Variants in FRAS1 observed in about 807,000 individuals in gnomAD.
The protein encoded by FRAS1 is extracellular matrix organizing protein FRAS1.
In FRAS1, 290 loss-of-function variants were observed where a neutral mutation model predicts 435.2. That is an observed-to-expected ratio of 0.67 (90% confidence interval 0.61 to 0.73). The LOEUF is 0.73. FRAS1 is among the 30% of genes least tolerant of loss of function. The pLI, the probability that FRAS1 is intolerant of heterozygous loss-of-function variation, is 0.00. For synonymous variants in FRAS1, 1,800 were observed against 1,851.0 expected (o/e 0.97, Z 0.71); for missense variants, 4,860 against 5,001.5 (o/e 0.97, Z 0.85).
intron 2 of FRAS1, among the ~76,000 whole-genome samples, chr4:78,140,985 G>A (rs969731864): frequency 6.6e-6 from 1 of 152,114 alleles, no homozygotes; most frequent in African/African-American, 2.4e-5. Flanking sequence ...GATGGGCTGG[G>A]AGATTCTTTC....
intron 14 of FRAS1, among the ~76,000 whole-genome samples, chr4:78,296,148 T>G (rs535698262): frequency 6.5e-4 from 98 of 151,820 alleles, no homozygotes; most frequent in African/African-American, 2.3e-3. Context: ...AATTGCAGTT[T>G]AAAAATATAA....
At chr4:78,389,499 G>C (rs1286555380) in intron 29 of FRAS1, among the ~76,000 whole-genome samples, 1 of 152,240 alleles carries the variant, frequency 6.6e-6, no homozygotes, top group Non-Finnish European at 1.5e-5. Flanking sequence ...GGTGGCATAG[G>C]AGAGATGGGA....
chr4:78,468,350 T>C (rs1719598332), intron 50 of FRAS1, among the ~76,000 whole-genome samples: 2 of 152,204 alleles, frequency 1.3e-5, no homozygotes, highest in Non-Finnish European at 1.5e-5. Flanking sequence ...TGAATATACT[T>C]GTAAATCATT....
Position 78,204,046 on chromosome 4 carries a change from G to C in FRAS1, c.109-33464G>C, listed in dbSNP as rs531637127. 8.5e-4 allele frequency among the ~76,000 whole-genome samples: 129 copies of C among 152,304 alleles called. 5 individuals carry two copies. In the South Asian group the frequency reaches 0.026, roughly 31 times the overall value. On this transcript the variant is annotated intron_variant, in intron 2 of 73. Coordinates refer to ENST00000512123, the MANE Select transcript of FRAS1 (RefSeq NM_025074.7). ...ATATGCCCTACAAACACTTGTGTTA[G>C]GTAAGCTTCATTTAGGCATGAATTA...
At chr4:78,378,952 G>A (rs1300113134) in intron 26 of FRAS1, among the ~76,000 whole-genome samples, 10 of 151,922 alleles carry the variant, frequency 6.6e-5, no homozygotes, top group East Asian at 1.9e-4. Flanking sequence ...CTTCAAAATC[G>A]TAAAAATGTA....
chr4:78,204,990 G>A (rs1723197233), intron 2 of FRAS1, among the ~76,000 whole-genome samples: 1 of 152,126 alleles, frequency 6.6e-6, no homozygotes, highest in Non-Finnish European at 1.5e-5. Context: ...ACGATGAAGG[G>A]CATCTGCATT....
At position 78,067,672 on chromosome 4, in the gene FRAS1, TTTATTATTATTA is replaced by T. The variant is rs60743368; in HGVS notation, c.108+1686_108+1697del. Among the ~76,000 whole-genome samples, 110 of 125,748 alleles carry T rather than the reference TTTATTATTATTA, an allele frequency of 8.7e-4. No individual in the cohort carries two copies. In the South Asian group the frequency reaches 9.1e-3, roughly 10 times the overall value. 82.5% of individuals were successfully genotyped at this position (125,748 alleles called of 152,430 possible). A position where few individuals can be genotyped will look rare whatever the true frequency, so the allele number is the denominator to read the frequency against. On this transcript the variant is annotated intron_variant, in intron 2 of 73. Coordinates refer to ENST00000512123, the MANE Select transcript of FRAS1 (RefSeq NM_025074.7). ...TTTCTTTTTCTTTTTTTTTCTTTCT[TTTATTATTATTA>T]TTATTATTATTATTATTATTATTAT... is the stretch of plus-strand genomic sequence containing the variant.
intron 50 of FRAS1, among the ~76,000 whole-genome samples, chr4:78,468,273 G>A (rs1451004564): frequency 6.6e-6 from 1 of 152,124 alleles, no homozygotes; most frequent in Non-Finnish European, 1.5e-5. Flanking sequence ...GAGGGGTCCA[G>A]GTTCATTCTT....
chr4:78,483,611 A>G (rs898852515), intron 58 of FRAS1, among the ~76,000 whole-genome samples: 13 of 151,862 alleles, frequency 8.6e-5, no homozygotes, highest in Non-Finnish European at 1.3e-4. Context: ...CATTTATTTC[A>G]TGTATATAGT....
chr4:78,183,431 C>G (rs1423970933), intron 2 of FRAS1, among the ~76,000 whole-genome samples: 1 of 152,150 alleles, frequency 6.6e-6, no homozygotes, highest in Non-Finnish European at 1.5e-5. Flanking sequence ...CCCCGGAAAC[C>G]ACACCACCTA....
chr4:78,346,479 C>T (rs1450907658), intron 20 of FRAS1, among the ~76,000 whole-genome samples: 2 of 152,150 alleles, frequency 1.3e-5, no homozygotes, highest in Non-Finnish European at 2.9e-5. Flanking sequence ...AAGGAGCGCA[C>T]TTCAGAGGGC....
chr4:78,506,431 G>C (rs549856451), intron 61 of FRAS1, among the ~76,000 whole-genome samples: 1 of 152,194 alleles, frequency 6.6e-6, no homozygotes, highest in African/African-American at 2.4e-5. Flanking sequence ...CAGCCGCTTT[G>C]TTTACCTACT....
intron 70 of FRAS1, among the ~76,000 whole-genome samples, chr4:78,533,059 A>T (rs1578378179): frequency 6.6e-6 from 1 of 152,312 alleles, no homozygotes; most frequent in East Asian, 1.9e-4. Context: ...GATGATCCAT[A>T]CTGTTTTACA....
intron 56 of FRAS1, among the ~76,000 whole-genome samples, chr4:78,480,261 G>A (rs1438216471): frequency 6.6e-6 from 1 of 151,942 alleles, no homozygotes; most frequent in Admixed American, 6.6e-5. Context: ...CCATCCTCTG[G>A]TAACCATCCT....
Position 78,473,424 on chromosome 4 carries a change from CTT to C in FRAS1, c.7523-9_7523-8del. ...ATCCCTGGGTTAATTCACAGTGAGT[CTT>C]TTTTCTCACAGAGGATGTGAACTTG... On this transcript the variant is annotated splice_polypyrimidine_tract_variant and intron_variant, in intron 52 of 73. Coordinates refer to ENST00000512123, the MANE Select transcript of FRAS1 (RefSeq NM_025074.7). 6.2e-7 allele frequency: 1 copy of C among 1,607,358 alleles called. No individual in the cohort carries two copies. The highest frequency in any genetic ancestry group is 8.5e-7 in the Non-Finnish European group (1 of 1,175,930).
intron 73 of FRAS1, 81 bp downstream of exon 73, chr4:78,539,521 G>T: frequency 8.3e-7 from 1 of 1,202,120 alleles, no homozygotes; most frequent in Non-Finnish European, 1.2e-6. Context: ...AAGGAGGACT[G>T]CAACATCTCT....
rs186718420 is a variant in FRAS1 at position 78,228,061 on chromosome 4, A to C, written c.109-9449A>C. On this transcript the variant is annotated intron_variant, in intron 2 of 73. Transcript: ENST00000512123. ...GAGAGAAAAGTCAAAAACTAATTAT[A>C]AAATGAATGATAATGATCTAGTGGA... 3.1e-3 allele frequency among the ~76,000 whole-genome samples: 471 copies of C among 152,322 alleles called. 6 individuals are homozygous for C. Among genetic ancestry groups the C allele is most frequent in the Non-Finnish European group, 4.5e-3 (304 of 68,020 alleles).
Position 78,515,831 on chromosome 4 carries a change from A to T in FRAS1, c.10207A>T (p.Ser3403Cys), listed in dbSNP as rs1343530069. 6.2e-7 allele frequency: 1 copy of T among 1,614,012 alleles called. No homozygotes were observed. The highest frequency in any genetic ancestry group is 1.7e-5 in the Admixed American group (1 of 60,020). Residue 3403 changes from serine (S) to cysteine (C), a missense_variant, in exon 66 of 74, where the codon AGC becomes TGC. Physicochemically the swap from Ser to Cys is moderately radical, Grantham distance 112. Coordinates refer to ENST00000512123, the MANE Select transcript of FRAS1 (RefSeq NM_025074.7). ...GTTCCTGGATGATGTGGTCTATGAT[A>T]GCACTGCCCTGGGGCCTGGCTACGA... Reference protein sequence around the residue: ...AGFLDDVVYDSTALGPGYDRP... With the variant: ...AGFLDDVVYDCTALGPGYDRP...
chr4:78,206,285 A>G (rs1279809173), intron 2 of FRAS1, among the ~76,000 whole-genome samples: 1 of 152,102 alleles, frequency 6.6e-6, no homozygotes, highest in Admixed American at 6.6e-5. Context: ...ATAATGTGCC[A>G]TGAAGGTGGA....
Sources: allele counts gnomAD v4.1 joint callset (sites outside exome capture counted in the v4.1 genomes callset), GRCh38; gene constraint gnomAD v4.1.1; transcripts MANE v1.5; gene names NCBI Gene and HGNC (gene_info 2026-07-23, HGNC 2026-07-21).